MARCHF1: variants seen among roughly 807,000 people sequenced by gnomAD.
MARCHF1 encodes E3 ubiquitin-protein ligase MARCHF1.
A neutral mutation model predicts 54.2 loss-of-function variants in MARCHF1; 40 were observed. That is an observed-to-expected ratio of 0.74 (90% CI 0.57 to 0.96). The LOEUF (loss-of-function observed/expected upper bound fraction) is 0.96. MARCHF1 is among the 40% of genes least tolerant of loss of function. The pLI is 0.00. For synonymous variants in MARCHF1, 236 were observed against 236.3 expected (o/e 1.00, Z 0.01); for missense variants, 586 against 656.5 (o/e 0.89, Z 1.17).
chr4:164,205,054 T>G (rs1360503621), intron 1 of MARCHF1, among the ~76,000 whole-genome samples: 3 of 152,206 alleles, frequency 2.0e-5, no homozygotes, highest in Non-Finnish European at 4.4e-5. Context: ...TCTTATATAG[T>G]GTTTTACTGT....
At chr4:164,168,741 G>A (rs1730447917) in intron 1 of MARCHF1, among the ~76,000 whole-genome samples, 1 of 151,914 alleles carries the variant, frequency 6.6e-6, no homozygotes, top group Non-Finnish European at 1.5e-5. Flanking sequence ...AGGGTTAGGG[G>A]TGCCAACCTT....
intron 1 of MARCHF1, among the ~76,000 whole-genome samples, chr4:164,369,175 T>A (rs2110950792): frequency 6.6e-6 from 1 of 152,284 alleles, no homozygotes; most frequent in South Asian, 2.1e-4. Context: ...CCAGACAGGC[T>A]CACGGCCAGA....
chr4:164,170,995 T>C (rs1183496878), intron 1 of MARCHF1, among the ~76,000 whole-genome samples: 1 of 152,104 alleles, frequency 6.6e-6, no homozygotes, highest in Non-Finnish European at 1.5e-5. Flanking sequence ...ATGGAATAAT[T>C]AGTTATTGTT....
intron 4 of MARCHF1, among the ~76,000 whole-genome samples, chr4:163,775,253 C>T (rs1195432354): frequency 1.3e-5 from 2 of 152,190 alleles, no homozygotes; most frequent in Admixed American, 1.3e-4. Flanking sequence ...TTACTTCTTT[C>T]CCATTTTTAC....
chr4:164,369,368 G>T lies in MARCHF1; in HGVS notation c.-323+14502C>A, dbSNP rs538262445. ...AGACGATAAGACAATTTGAAAATTGGACACCATGATTTCAAGAGCATCAAA... is the reference window on the plus strand; with the variant it reads ...AGACGATAAGACAATTTGAAAATTGTACACCATGATTTCAAGAGCATCAAA... On this transcript the variant is annotated intron_variant, in intron 1 of 9. Coordinates refer to ENST00000514618, the MANE Select transcript of MARCHF1 (RefSeq NM_001394959.1). 2.6e-5 allele frequency among the ~76,000 whole-genome samples: 4 copies of T among 152,258 alleles called. No individual in the cohort carries two copies. The South Asian group carries it at 8.3e-4, about 32-fold the overall frequency.
At chr4:163,576,033 T>G (rs1435184521) in intron 8 of MARCHF1, among the ~76,000 whole-genome samples, 1 of 152,010 alleles carries the variant, frequency 6.6e-6, no homozygotes, top group African/African-American at 2.4e-5. Flanking sequence ...TTTTGGTTCT[T>G]AATTTCATTT....
At chr4:164,220,694 TATATATGTATATATGTAATATATATG>T (rs1560959980) in intron 1 of MARCHF1, among the ~76,000 whole-genome samples, 3 of 121,366 alleles carry the variant, frequency 2.5e-5, no homozygotes, top group African/African-American at 6.7e-5. Context: ...ATATATATGC[TATATATGTATATATGTAATATATATG>T]ATATATGTAT....
intron 1 of MARCHF1, among the ~76,000 whole-genome samples, chr4:164,226,665 G>A (rs566313481): frequency 6.6e-6 from 1 of 151,736 alleles, no homozygotes; most frequent in Non-Finnish European, 1.5e-5. Flanking sequence ...GTATGTGTGT[G>A]TGTATATATA....
intron 7 of MARCHF1, among the ~76,000 whole-genome samples, chr4:163,589,402 G>A (rs1009721859): frequency 4.6e-5 from 7 of 151,830 alleles, no homozygotes; most frequent in Admixed American, 3.9e-4. Context: ...TCAAAAACTT[G>A]GTTCATTTTT....
intron 1 of MARCHF1, among the ~76,000 whole-genome samples, chr4:164,351,930 C>G (rs1730353099): frequency 6.7e-6 from 1 of 150,090 alleles, no homozygotes; most frequent in South Asian, 2.1e-4. Flanking sequence ...GCTGATGGAG[C>G]TGAAAACCAA....
intron 3 of MARCHF1, among the ~76,000 whole-genome samples, chr4:163,972,639 T>C (rs1256177183): frequency 6.6e-6 from 1 of 152,006 alleles, no homozygotes; most frequent in Admixed American, 6.6e-5. Flanking sequence ...CTCCACCTCC[T>C]GGGTTCACGC....
chr4:163,759,476 G>T (rs1387688780), intron 4 of MARCHF1, among the ~76,000 whole-genome samples: 2 of 151,994 alleles, frequency 1.3e-5, no homozygotes, highest in Non-Finnish European at 2.9e-5. Context: ...TGCCACCAGG[G>T]CTTCTCATTT....
At chr4:164,302,850 C>A (rs10033287) in intron 1 of MARCHF1, among the ~76,000 whole-genome samples, 36,108 of 132,252 alleles carry the variant, frequency 0.27, 4,938 homozygotes, top group Middle Eastern at 0.39. Context: ...GCCTGGGTGA[C>A]AGAGTGAGAG....
intron 4 of MARCHF1, among the ~76,000 whole-genome samples, chr4:163,704,602 A>T (rs996395230): frequency 6.6e-6 from 1 of 151,692 alleles, no homozygotes; most frequent in African/African-American, 2.4e-5. Context: ...GTGACTCGTA[A>T]GTCTTAATCG....
intron 1 of MARCHF1, among the ~76,000 whole-genome samples, chr4:164,340,797 A>G (rs1729903619): frequency 6.6e-6 from 1 of 151,620 alleles, no homozygotes; most frequent in African/African-American, 2.4e-5. Context: ...GGCTCAAGCA[A>G]TCTGCCTGCC....
intron 3 of MARCHF1, among the ~76,000 whole-genome samples, chr4:163,905,913 T>C (rs888461380): frequency 6.6e-6 from 1 of 152,104 alleles, no homozygotes; most frequent in Non-Finnish European, 1.5e-5. Flanking sequence ...ATTCATTTAT[T>C]GGATCTTCTA....
intron 2 of MARCHF1, among the ~76,000 whole-genome samples, chr4:163,998,114 TAATAA>T (rs1753115211): frequency 6.6e-6 from 1 of 151,246 alleles, no homozygotes; most frequent in Non-Finnish European, 1.5e-5. Context: ...TTATAAAATA[TAATAA>T]AATATTTGAA....
intron 1 of MARCHF1, among the ~76,000 whole-genome samples, chr4:164,345,283 A>G (rs1304926982): frequency 2.0e-5 from 3 of 152,102 alleles, no homozygotes; most frequent in Non-Finnish European, 4.4e-5. Flanking sequence ...AATAAAATGT[A>G]TGGCTGGGCA....
At chr4:164,094,275 G>A (rs1252496418) in intron 2 of MARCHF1, among the ~76,000 whole-genome samples, 2 of 152,122 alleles carry the variant, frequency 1.3e-5, no homozygotes, top group African/African-American at 2.4e-5. Flanking sequence ...GAAGCCAGCA[G>A]CCTGCCATGG....
Sources: allele counts gnomAD v4.1 joint callset (sites outside exome capture counted in the v4.1 genomes callset), GRCh38; gene constraint gnomAD v4.1.1; transcripts MANE v1.5; gene names NCBI Gene and HGNC (gene_info 2026-07-23, HGNC 2026-07-21).